Variants in ANKRD36C observed in about 807,000 individuals in gnomAD.
ANKRD36C encodes the protein ankyrin repeat domain 36C.
A neutral mutation model predicts 276.4 loss-of-function variants in ANKRD36C; 61 were observed. That is an observed-to-expected ratio of 0.22 (90% CI 0.18 to 0.27). The LOEUF (loss-of-function observed/expected upper bound fraction) is 0.27. Among genes scored for constraint, ANKRD36C ranks in the 10% least tolerant of loss-of-function variants. ANKRD36C has a pLI of 1.00. For synonymous variants in ANKRD36C, 483 were observed against 680.1 expected (o/e 0.71, Z 4.51); for missense variants, 1,447 against 2,032.3 (o/e 0.71, Z 5.54).
intron 56 of ANKRD36C, among the ~76,000 whole-genome samples, chr2:95,880,863 T>G (rs1299980222): frequency 6.6e-6 from 1 of 152,204 alleles, no homozygotes; most frequent in Non-Finnish European, 1.5e-5. Flanking sequence ...CCACATCTAT[T>G]GCTAAAAAGA....
At chr2:95,918,266 T>A (rs1677165005) in intron 34 of ANKRD36C, among the ~76,000 whole-genome samples, 1 of 151,662 alleles carries the variant, frequency 6.6e-6, no homozygotes, top group Admixed American at 6.6e-5. Flanking sequence ...ACGGTATGAT[T>A]CGTCATACGT....
chr2:95,850,056 AAGTC>A (rs1341272542), downstream of ANKRD36C, among the ~76,000 whole-genome samples: 6 of 152,324 alleles, frequency 3.9e-5, no homozygotes, highest in South Asian at 6.2e-4. Flanking sequence ...AACTAAGAGA[AAGTC>A]AGTATATGTT....
At chr2:95,946,559 T>C (rs1444316431) in intron 17 of ANKRD36C, among the ~76,000 whole-genome samples, 1 of 144,778 alleles carries the variant, frequency 6.9e-6, no homozygotes, top group Non-Finnish European at 1.5e-5. Context: ...CATTACTGGG[T>C]ATATACCCAA....
intron 44 of ANKRD36C, among the ~76,000 whole-genome samples, chr2:95,892,316 A>G (rs1018650641): frequency 7.9e-5 from 12 of 151,648 alleles, no homozygotes; most frequent in Admixed American, 7.2e-4. Context: ...ATGAGAAGGC[A>G]CACAATTACG....
chr2:95,984,260 G>C (rs920441888), intron 3 of ANKRD36C, among the ~76,000 whole-genome samples: 3 of 151,740 alleles, frequency 2.0e-5, no homozygotes, highest in Non-Finnish European at 2.9e-5. Context: ...CTGAGGAAGT[G>C]AAGTACCTAG....
chr2:95,973,156 G>A (rs1453465214), intron 6 of ANKRD36C, among the ~76,000 whole-genome samples: 2 of 151,952 alleles, frequency 1.3e-5, no homozygotes, highest in Non-Finnish European at 2.9e-5. Flanking sequence ...GCTCACACCT[G>A]TAATCCAAAC....
intron 61 of ANKRD36C, 102 bp from the exon 82 acceptor site, chr2:95,857,594 C>G (rs201034596): frequency 3.5e-6 from 4 of 1,149,864 alleles, no homozygotes; most frequent in Admixed American, 5.8e-5. Flanking sequence ...GGAGTCGTGC[C>G]CTACAAACCA....
downstream of ANKRD36C, among the ~76,000 whole-genome samples, chr2:95,850,985 A>T (rs1675281113): frequency 1.3e-5 from 2 of 152,248 alleles, no homozygotes; most frequent in Admixed American, 6.5e-5. Context: ...TTAACAAAGC[A>T]TAAGTATTAC....
intron 26 of ANKRD36C, among the ~76,000 whole-genome samples, chr2:95,928,400 A>C (rs1677468482): frequency 6.6e-6 from 1 of 151,580 alleles, no homozygotes; most frequent in Non-Finnish European, 1.5e-5. Context: ...CTGATGCCTA[A>C]TAGTAACAAA....
chr2:95,937,884 G>A (rs1290417848), intron 22 of ANKRD36C, among the ~76,000 whole-genome samples: 5 of 152,296 alleles, frequency 3.3e-5, no homozygotes, highest in Non-Finnish European at 5.9e-5. Flanking sequence ...ATCTATGTTG[G>A]TATGTCATCA....
intron 60 of ANKRD36C, among the ~76,000 whole-genome samples, chr2:95,861,515 AG>A (rs1675582324): frequency 6.6e-6 from 1 of 151,794 alleles, no homozygotes; most frequent in Non-Finnish European, 1.5e-5. Context: ...TATACCATCT[AG>A]GATGTATAAT....
chr2:95,925,051 A>G (rs1677366691), intron 30 of ANKRD36C, among the ~76,000 whole-genome samples: 1 of 151,620 alleles, frequency 6.6e-6, no homozygotes, highest in Non-Finnish European at 1.5e-5. Flanking sequence ...CCCTCTCCAT[A>G]GAAACATGCT....
intron 1 of ANKRD36C, among the ~76,000 whole-genome samples, chr2:95,987,741 C>T (rs1293132180): frequency 6.6e-6 from 1 of 151,702 alleles, no homozygotes; most frequent in African/African-American, 2.4e-5. Flanking sequence ...CCTGCCTCAG[C>T]CTCCCGAGTA....
intron 59 of ANKRD36C, among the ~76,000 whole-genome samples, chr2:95,870,674 T>C (rs544478733): frequency 2.2e-4 from 33 of 152,180 alleles, no homozygotes; most frequent in Non-Finnish European, 3.7e-4. Flanking sequence ...AGAATGACTT[T>C]GACGAGTTGA....
Position 95,982,252 on chromosome 2 carries a change from G to C in ANKRD36C, c.593+4C>G. 1.9e-6 allele frequency: 3 copies of C among 1,539,766 alleles called. No homozygotes were observed. Among genetic ancestry groups the C allele is most frequent in the Middle Eastern group, 1.7e-4 (1 of 5,956 alleles). On this transcript the variant is annotated splice_donor_region_variant and intron_variant, in intron 4 of 66. Transcript: ENST00000456556. The stretch of plus-strand genomic sequence containing the variant: ...AACAACACAATAAGAACTAAGGTCT[G>C]TACCTGCCAAGATAATCAACGGCAT...
chr2:95,910,496 A>G, intron 42 of ANKRD36C, 44 bp downstream of exon 45: 2 of 1,602,892 alleles, frequency 1.2e-6, no homozygotes, highest in Non-Finnish European at 1.7e-6. Context: ...TGTTTCATAG[A>G]CCATACATTA....
downstream of ANKRD36C, chr2:95,851,105 A>G (rs1675283102): frequency 7.4e-7 from 1 of 1,355,032 alleles, no homozygotes; most frequent in Non-Finnish European, 1.0e-6. Context: ...ACCGTTCACT[A>G]CTTAGAGTTT....
intron 1 of ANKRD36C, among the ~76,000 whole-genome samples, chr2:95,989,253 C>A (rs1194782946): frequency 1.3e-5 from 2 of 152,130 alleles, no homozygotes; most frequent in Admixed American, 1.3e-4. Flanking sequence ...TATATTTCTT[C>A]TTTTCCCAAG....
chr2:95,916,260 A>C lies in ANKRD36C; in HGVS notation c.2348-89T>G, dbSNP rs200571231. ...ACACAGTGTTAGCATCAACCTCTGA[A>C]CTCCTGCCTGTATTAGTGGAGGCTT... On this transcript the variant is annotated intron_variant, in intron 36 of 66. Coordinates refer to ENST00000456556, the Ensembl canonical transcript of ANKRD36C. 1,318 of 1,546,144 alleles carry C rather than the reference A, an allele frequency of 8.5e-4. 6 individuals are homozygous for C. The African/African-American group carries it at 0.012, about 14-fold the overall frequency.
Sources: allele counts gnomAD v4.1 joint callset (sites outside exome capture counted in the v4.1 genomes callset), GRCh38; gene constraint gnomAD v4.1.1; transcripts MANE v1.5; gene names NCBI Gene and HGNC (gene_info 2026-07-23, HGNC 2026-07-21).